Variants in ERP44 observed in about 807,000 individuals in gnomAD.
The protein encoded by ERP44 is endoplasmic reticulum resident protein 44.
A neutral mutation model predicts 53.4 loss-of-function variants in ERP44; 25 were observed. The observed-to-expected ratio is 0.47, with a 90% CI of 0.34 to 0.65. The LOEUF is 0.65. ERP44 is among the 30% of genes least tolerant of loss of function. The pLI, the probability that ERP44 is intolerant of heterozygous loss-of-function variation, is 0.01. For synonymous variants in ERP44, 145 were observed against 161.2 expected, an observed-to-expected ratio of 0.90 and a Z score of 0.76; for missense variants, 338 against 493.2, an observed-to-expected ratio of 0.69 and a Z score of 2.98.
Position 100,091,054 on chromosome 9 carries a change from T to C in ERP44, c.57+7730A>G, listed in dbSNP as rs79254016. 2.7e-3 allele frequency among the ~76,000 whole-genome samples: 412 copies of C among 152,332 alleles called. 2 individuals are homozygous for C. Among genetic ancestry groups the C allele is most frequent in the African/African-American group, 9.3e-3 (388 of 41,578 alleles). On this transcript the variant is annotated intron_variant, in intron 1 of 11. Coordinates refer to ENST00000262455, the MANE Select transcript of ERP44 (RefSeq NM_015051.3). ...CTACTATTCAGCCTATGGTTTTCTT[T>C]AGCTCAAATACTACTACAATGTTTT...
intron 1 of ERP44, among the ~76,000 whole-genome samples, chr9:100,071,930 A>T (rs544842818): frequency 5.7e-4 from 87 of 152,318 alleles, no homozygotes; most frequent in African/African-American, 1.9e-3. Flanking sequence ...TCCAGAAAAA[A>T]AATAAACCTC....
At chr9:100,050,216 G>A (rs1826021511) in intron 4 of ERP44, among the ~76,000 whole-genome samples, 1 of 152,078 alleles carries the variant, frequency 6.6e-6, no homozygotes, top group Admixed American at 6.5e-5. Context: ...AATTTTGGAG[G>A]ATGACAGCTA....
intron 4 of ERP44, among the ~76,000 whole-genome samples, chr9:100,038,489 T>C (rs544466709): frequency 6.6e-6 from 1 of 151,666 alleles, no homozygotes; most frequent in East Asian, 1.9e-4. Flanking sequence ...AAATCAAACA[T>C]ACAACTGATA....
chr9:99,994,090 G>C (rs1285289422), intron 10 of ERP44, among the ~76,000 whole-genome samples: 2 of 152,214 alleles, frequency 1.3e-5, no homozygotes, highest in African/African-American at 2.4e-5. Context: ...GGAAGACAGT[G>C]TGGCAATTCC....
intron 4 of ERP44, among the ~76,000 whole-genome samples, chr9:100,037,062 C>T (rs1478976950): frequency 6.6e-6 from 1 of 152,178 alleles, no homozygotes; most frequent in Non-Finnish European, 1.5e-5. Context: ...GTTTTAACTT[C>T]GTTTCACTGA....
intron 4 of ERP44, among the ~76,000 whole-genome samples, chr9:100,035,192 A>G (rs938693060): frequency 1.2e-4 from 18 of 152,224 alleles, no homozygotes; most frequent in Non-Finnish European, 1.9e-4. Flanking sequence ...AGACACCAAA[A>G]GCAACTGCAA....
intron 8 of ERP44, 35 bp from the exon 9 acceptor site, chr9:100,007,724 C>T (rs1459936464): frequency 9.1e-7 from 1 of 1,098,022 alleles, no homozygotes; most frequent in South Asian, 1.2e-5. Flanking sequence ...AATTATCAGG[C>T]TTCTCCATTC....
intron 10 of ERP44, among the ~76,000 whole-genome samples, chr9:100,004,045 G>A (rs922632096): frequency 8.5e-5 from 13 of 152,112 alleles, no homozygotes; most frequent in African/African-American, 3.1e-4. Context: ...GATCATGGTT[G>A]CTGGCCTGGT....
At chr9:100,097,180 A>G (rs1410139255) in intron 1 of ERP44, among the ~76,000 whole-genome samples, 1 of 152,188 alleles carries the variant, frequency 6.6e-6, no homozygotes, top group African/African-American at 2.4e-5. Context: ...GAAAAAACTC[A>G]TATTTAACAA....
intron 10 of ERP44, among the ~76,000 whole-genome samples, chr9:99,990,986 C>T (rs1301052995): frequency 6.6e-6 from 1 of 152,160 alleles, no homozygotes; most frequent in African/African-American, 2.4e-5. Context: ...TACATATGCA[C>T]CCAATACGGG....
chr9:100,058,191 T>TCA (rs1277190657), intron 2 of ERP44, among the ~76,000 whole-genome samples: 1 of 152,122 alleles, frequency 6.6e-6, no homozygotes, highest in Non-Finnish European at 1.5e-5. Flanking sequence ...TCCTCCCACT[T>TCA]CACCCTCCCA....
chr9:100,069,643 A>T (rs1826277604), intron 1 of ERP44, among the ~76,000 whole-genome samples: 1 of 146,858 alleles, frequency 6.8e-6, no homozygotes, highest in African/African-American at 2.6e-5. Context: ...CAGTTCAAAT[A>T]AAAAAAAAAT....
intron 1 of ERP44, among the ~76,000 whole-genome samples, chr9:100,079,742 T>G (rs183295901): frequency 6.6e-6 from 1 of 152,036 alleles, no homozygotes; most frequent in African/African-American, 2.4e-5. Flanking sequence ...GAGACCAGCC[T>G]AGTCAGCACA....
intron 1 of ERP44, among the ~76,000 whole-genome samples, chr9:100,079,796 A>G (rs1826402314): frequency 6.6e-6 from 1 of 152,018 alleles, no homozygotes; most frequent in South Asian, 2.1e-4. Flanking sequence ...TTAACTGGGC[A>G]TAGTGGTGTA....
intron 3 of ERP44, among the ~76,000 whole-genome samples, chr9:100,054,736 AT>A (rs1243961965): frequency 6.6e-6 from 1 of 152,244 alleles, no homozygotes; most frequent in Non-Finnish European, 1.5e-5. Flanking sequence ...GGTCTCAAGT[AT>A]TTCAGATAAG....
intron 10 of ERP44, chr9:99,999,164 C>G (rs1313516347): frequency 1.3e-5 from 7 of 548,208 alleles, no homozygotes; most frequent in East Asian, 3.2e-5. Flanking sequence ...GCTCCGCCCC[C>G]CGACCCTGTC....
chr9:99,997,101 A>G (rs890005979), intron 10 of ERP44, among the ~76,000 whole-genome samples: 1 of 152,156 alleles, frequency 6.6e-6, no homozygotes, highest in Non-Finnish European at 1.5e-5. Context: ...TTGTGCTGCT[A>G]TAAACATGCG....
chr9:99,998,411 C>A (rs1830338374), intron 10 of ERP44: 1 of 640,942 alleles, frequency 1.6e-6, no homozygotes, highest in Non-Finnish European at 2.8e-6. Context: ...CAAGGCCGGC[C>A]GGTCCTCGTT....
chr9:100,079,877 T>C (rs1414799977), intron 1 of ERP44, among the ~76,000 whole-genome samples: 2 of 151,560 alleles, frequency 1.3e-5, no homozygotes, highest in African/African-American at 2.4e-5. Context: ...CTAGGTTACA[T>C]TGTACTATGA....
Sources: gnomAD v4.1 joint callset for allele counts (sites outside exome capture counted in the v4.1 genomes callset) on GRCh38, gnomAD v4.1.1 for gene constraint, MANE v1.5 for transcripts, NCBI Gene and HGNC (gene_info 2026-07-23, HGNC 2026-07-21) for gene names.